The following TFAP2C variants were observed in gnomAD, a reference collection of about 807,000 sequenced individuals.
The protein encoded by TFAP2C is activating enhancer-binding protein 2 gamma.
Under a neutral mutation model 42.9 loss-of-function variants are expected in TFAP2C, and 9 were observed. The ratio of observed to expected loss-of-function variants is 0.21; its 90% CI spans 0.13 to 0.37. TFAP2C has a LOEUF of 0.37. Among genes scored for constraint, TFAP2C ranks in the 10% least tolerant of loss-of-function variants. TFAP2C has a pLI of 1.00. For missense variants in TFAP2C, 462 were observed against 591.7 expected (o/e 0.78, Z 2.27); for synonymous variants, 264 against 256.0 (o/e 1.03, Z -0.30).
In TFAP2C at chr20:56,631,078, G is replaced by A. The variant is rs748522556; in HGVS notation, c.49-127G>A. The stretch of plus-strand genomic sequence containing the variant: ...TGCCCCCGGGTACCTTCCGACCCTG[G>A]GCAAGCCCCGCCGGGCGGGGTGCGG... On this transcript the variant is annotated intron_variant, in intron 1 of 6. Transcript: ENST00000201031. This position sits in a 1 kb window ranked among gnomAD's most constrained non-coding sequence, Gnocchi z 6.1. The A allele has an allele frequency of 1.1e-4, 153 of 1,440,618 alleles. No individual in the cohort carries two copies. Among genetic ancestry groups the A allele is most frequent in the Non-Finnish European group, 1.3e-4 (148 of 1,105,192 alleles). The allele number at this position is 1,440,618 out of a possible 1,614,324, so 89.2% of individuals were successfully genotyped here.
Position 56,631,066 on chromosome 20 carries a change from C to T in TFAP2C, c.49-139C>T. The stretch of plus-strand genomic sequence containing the variant: ...CTCGGGGCGCATTGCCCCCGGGTAC[C>T]TTCCGACCCTGGGCAAGCCCCGCCG... On this transcript the variant is annotated intron_variant, in intron 1 of 6. Coordinates refer to ENST00000201031, the MANE Select transcript of TFAP2C (RefSeq NM_003222.4). The surrounding 1 kb of genome is among the most constrained non-coding windows in gnomAD (Gnocchi z 6.1). The T allele has an allele frequency of 7.0e-7, 1 of 1,435,216 alleles. No homozygotes were observed. The highest frequency in any genetic ancestry group is 1.6e-5 in the South Asian group (1 of 64,424). 88.9% of individuals were successfully genotyped at this position (1,435,216 alleles called of 1,614,324 possible). A position where few individuals can be genotyped will look rare whatever the true frequency, so the allele number is the denominator to read the frequency against.
intron 4 of TFAP2C, 29 bp downstream of exon 4, chr20:56,633,598 G>C: frequency 1.9e-6 from 3 of 1,584,332 alleles, no homozygotes; most frequent in Non-Finnish European, 2.6e-6. Flanking sequence ...TAGGCATAGT[G>C]GTTGGGTAGT....
At position 56,631,375 on chromosome 20, in the gene TFAP2C, C is replaced by T. The variant is rs754355262; in HGVS notation, c.219C>T (p.Ala73=). 3 of 1,611,318 alleles carry T rather than the reference C, an allele frequency of 1.9e-6. No homozygotes were observed. The highest frequency in any genetic ancestry group is 4.5e-5 in the East Asian group (2 of 44,708). Residue 73 remains alanine, a synonymous_variant, in exon 2 of 7, where the codon GCC becomes GCT. Transcript: ENST00000201031. The surrounding 1 kb of genome is among the most constrained non-coding windows in gnomAD (Gnocchi z 6.1). ...PYQQLAYSQS[A]DPYSHLGEAY... The stretch of plus-strand genomic sequence containing the variant: ...AGCAGCTGGCCTACTCCCAGTCGGC[C>T]GACCCCTACTCGCATCTGGGGGAAG...
chr20:56,630,297 C>G lies in TFAP2C; in HGVS notation c.48+705C>G. On this transcript the variant is annotated intron_variant, in intron 1 of 6. Transcript: ENST00000201031. The surrounding 1 kb of genome is among the most constrained non-coding windows in gnomAD (Gnocchi z 5.1). ...GGACTCGCGGGAGTTCACTGCGCCT[C>G]CGGGCCCTGGAGGGCTGCCCCTGCC... is the stretch of plus-strand genomic sequence containing the variant. The G allele has an allele frequency of 2.7e-6, 1 of 368,488 alleles. No homozygotes were observed. The highest frequency in any genetic ancestry group is 1.8e-5 in the South Asian group (1 of 54,760). The allele number at this position is 368,488 out of a possible 1,614,324, so 22.8% of individuals were successfully genotyped here.
Position 56,638,494 on chromosome 20 carries a change from T to TA in TFAP2C, c.*482dup, listed in dbSNP as rs200359056. 9.5e-3 allele frequency: 1,495 copies of TA among 157,942 alleles called. 31 individuals are homozygous for TA. The highest frequency in any genetic ancestry group is 0.031 in the African/African-American group (1,286 of 41,544). 9.8% of individuals were successfully genotyped at this position (157,942 alleles called of 1,614,324 possible). ...CTTGAAAAAAAGAAAAGTGTGTATC[T>TA]AGCTTCTTCAGAGATCAAGTCCTCT... is the stretch of plus-strand genomic sequence containing the variant. On this transcript the variant is annotated 3_prime_UTR_variant, in exon 7 of 7. Transcript: ENST00000201031.
At chr20:56,633,704 A>G (rs915589328) in intron 4 of TFAP2C, 135 bp downstream of exon 4, 9 of 697,318 alleles carry the variant, frequency 1.3e-5, no homozygotes, top group Non-Finnish European at 7.4e-6. Flanking sequence ...GTTTTAGTAC[A>G]TTTCTTCTCC....
At position 56,631,228 on chromosome 20, in the gene TFAP2C, T is replaced by C; in HGVS notation, c.72T>C (p.Asn24=). Residue 24 remains asparagine (N), a synonymous_variant, in exon 2 of 7, where the codon AAT becomes AAC. Coordinates refer to ENST00000201031, the MANE Select transcript of TFAP2C (RefSeq NM_003222.4). This position sits in a 1 kb window ranked among gnomAD's most constrained non-coding sequence, Gnocchi z 6.1. ...AGGATCGCCACGACGGGAGCAGCAA[T>C]GGGAATCCGCGGGTCCCCCACCTCT... ...DCEDRHDGSS[N]GNPRVPHLSS... is the part of the protein sequence containing the mutation. 6.4e-7 allele frequency: 1 copy of C among 1,553,868 alleles called. No individual in the cohort carries two copies. Among genetic ancestry groups the C allele is most frequent in the Non-Finnish European group, 8.7e-7 (1 of 1,151,450 alleles).
chr20:56,632,637 C>T (rs916158242), intron 3 of TFAP2C, among the ~76,000 whole-genome samples: 6 of 152,016 alleles, frequency 3.9e-5, no homozygotes, highest in Admixed American at 1.3e-4. Flanking sequence ...AAACTTAGAA[C>T]GTATTAGTTT....
rs1987469651 is a variant in TFAP2C, at chr20:56,630,628, C to T, written c.49-577C>T. The T allele has an allele frequency of 3.2e-6, 3 of 941,256 alleles. No homozygotes were observed. Among genetic ancestry groups the T allele is most frequent in the Non-Finnish European group, 3.8e-6 (3 of 789,664 alleles). The allele number at this position is 941,256 out of a possible 1,614,324, so 58.3% of individuals were successfully genotyped here. ...CGCGCTCCCTCTTCACTTCCCAGGG[C>T]GGCGCAGGGTGGCGGGCCCTGCTTT... is the stretch of plus-strand genomic sequence containing the variant. On this transcript the variant is annotated intron_variant, in intron 1 of 6. Coordinates refer to ENST00000201031, the MANE Select transcript of TFAP2C (RefSeq NM_003222.4). This position sits in a 1 kb window ranked among gnomAD's most constrained non-coding sequence, Gnocchi z 5.1.
chr20:56,634,315 T>C, intron 5 of TFAP2C, 47 bp downstream of exon 5: 2 of 1,380,058 alleles, frequency 1.4e-6, no homozygotes, highest in Non-Finnish European at 2.1e-6. Context: ...AATTTGTGCC[T>C]GTGTCTTTAA....
chr20:56,631,088 G>A lies in TFAP2C; in HGVS notation c.49-117G>A, dbSNP rs34060732. The stretch of plus-strand genomic sequence containing the variant: ...TACCTTCCGACCCTGGGCAAGCCCC[G>A]CCGGGCGGGGTGCGGTTGGTCCCCC... On this transcript the variant is annotated intron_variant, in intron 1 of 6. Coordinates refer to ENST00000201031, the MANE Select transcript of TFAP2C (RefSeq NM_003222.4). The surrounding 1 kb of genome is among the most constrained non-coding windows in gnomAD (Gnocchi z 6.1). The A allele has an allele frequency of 0.15, 213,321 of 1,436,150 alleles. 17,498 individuals are homozygous for A. The highest frequency in any genetic ancestry group is 0.17 in the Middle Eastern group (653 of 3,792). The allele number at this position is 1,436,150 out of a possible 1,614,324, so 89.0% of individuals were successfully genotyped here. A position where few individuals can be genotyped will look rare whatever the true frequency, so the allele number is the denominator to read the frequency against.
In TFAP2C at chr20:56,630,697, A is replaced by AGG; in HGVS notation, c.49-506_49-505dup. The AGG allele has an allele frequency of 1.0e-6, 1 of 985,154 alleles. No homozygotes were observed. Among genetic ancestry groups the AGG allele is most frequent in the Non-Finnish European group, 1.2e-6 (1 of 829,790 alleles). 61.0% of individuals were successfully genotyped at this position (985,154 alleles called of 1,614,324 possible). A position where few individuals can be genotyped will look rare whatever the true frequency, so the allele number is the denominator to read the frequency against. On this transcript the variant is annotated intron_variant, in intron 1 of 6. Transcript: ENST00000201031. This position sits in a 1 kb window ranked among gnomAD's most constrained non-coding sequence, Gnocchi z 5.1. The stretch of plus-strand genomic sequence containing the variant: ...GAGGTCTTTGTCCCGAGGGCGTGGA[A>AGG]GGGAGGGTCCCGGGGGCGGGGGAGG...
At position 56,629,690 on chromosome 20, in the gene TFAP2C, T is replaced by C; in HGVS notation, c.48+98T>C. 1 of 967,118 alleles carries C rather than the reference T, an allele frequency of 1.0e-6. No individual in the cohort carries two copies. Among genetic ancestry groups the C allele is most frequent in the Non-Finnish European group, 1.4e-6 (1 of 717,330 alleles). The allele number at this position is 967,118 out of a possible 1,614,324, so 59.9% of individuals were successfully genotyped here. A position where few individuals can be genotyped will look rare whatever the true frequency, so the allele number is the denominator to read the frequency against. On this transcript the variant is annotated intron_variant, in intron 1 of 6. Transcript: ENST00000201031. The surrounding 1 kb of genome is among the most constrained non-coding windows in gnomAD (Gnocchi z 5.9). ...GTCGGGGACGAGGGCATAGGAGCCC[T>C]GGCCTCTCGGTGGGACGGGATCCAC... is the stretch of plus-strand genomic sequence containing the variant.
At position 56,637,963 on chromosome 20, in the gene TFAP2C, C is replaced by A. The variant is rs1394381709; in HGVS notation, c.1303C>A (p.Pro435Thr). The change falls in exon 7 of 7, where the codon CCA becomes ACA. Residue 435 changes from proline (P) to threonine (T), a missense_variant. Coordinates refer to ENST00000201031, the MANE Select transcript of TFAP2C (RefSeq NM_003222.4). ...KSYMNPGDQSPADSNKTLEKM... is the reference protein window; with the variant it reads ...KSYMNPGDQSTADSNKTLEKM... ...CTACATGAACCCTGGAGACCAGAGT[C>A]CAGCTGATTCTAACAAAACCCTGGA... 2 of 1,614,084 alleles carry A rather than the reference C, an allele frequency of 1.2e-6. No homozygotes were observed. Among genetic ancestry groups the A allele is most frequent in the East Asian group, 2.2e-5 (1 of 44,886 alleles).
chr20:56,634,801 G>C (rs1343291513), intron 5 of TFAP2C, among the ~76,000 whole-genome samples: 4 of 152,090 alleles, frequency 2.6e-5, no homozygotes, highest in Non-Finnish European at 4.4e-5. Flanking sequence ...TCGAACCCCT[G>C]GCCCACGCAC....
At chr20:56,634,927 A>G (rs559242835) in intron 5 of TFAP2C, among the ~76,000 whole-genome samples, 1 of 152,354 alleles carries the variant, frequency 6.6e-6, no homozygotes, top group African/African-American at 2.4e-5. Flanking sequence ...CTTTAAAAGG[A>G]GCTGAAGGGA....
Position 56,634,231 on chromosome 20 carries a change from A to G in TFAP2C, c.885A>G (p.Lys295=), listed in dbSNP as rs148118000. ...TGAATCTTCCGGCCGGGAGGCGGAA[A>G]GCCGCTCATGTGACTCTCCTGACAT... is the stretch of plus-strand genomic sequence containing the variant. ...IGLNLPAGRR[K]AAHVTLLTSL... is the part of the protein sequence containing the mutation. The change falls in exon 5 of 7, where the codon AAA becomes AAG. Residue 295 remains lysine, a synonymous_variant. Coordinates refer to ENST00000201031, the MANE Select transcript of TFAP2C (RefSeq NM_003222.4). 1.2e-6 allele frequency: 2 copies of G among 1,614,198 alleles called. No individual in the cohort carries two copies. Among genetic ancestry groups the G allele is most frequent in the Non-Finnish European group, 1.7e-6 (2 of 1,180,008 alleles).
chr20:56,639,237 T>G lies in TFAP2C; in HGVS notation c.*1224T>G, dbSNP rs1987642550. Reference sequence around the variant, plus strand: ...GTAAATGTTCCCCAAATAATTGTTGTGTGTATGATACGTGTATAATAAAAG... The same window carrying G: ...GTAAATGTTCCCCAAATAATTGTTGGGTGTATGATACGTGTATAATAAAAG... On this transcript the variant is annotated 3_prime_UTR_variant, in exon 7 of 7. Transcript: ENST00000201031. 1 of 152,422 alleles carries G rather than the reference T, an allele frequency of 6.6e-6. No individual in the cohort carries two copies. Among genetic ancestry groups the G allele is most frequent in the Admixed American group, 6.5e-5 (1 of 15,278 alleles). The allele number at this position is 152,422 out of a possible 1,614,324, so 9.4% of individuals were successfully genotyped here. A position where few individuals can be genotyped will look rare whatever the true frequency, so the allele number is the denominator to read the frequency against.
intron 3 of TFAP2C, among the ~76,000 whole-genome samples, chr20:56,633,021 T>A (rs968934363): frequency 6.6e-5 from 10 of 152,058 alleles, no homozygotes; most frequent in African/African-American, 2.4e-4. Context: ...GTCAGGAGTT[T>A]GAGACCAGCC....
Sources: gnomAD v4.1 joint callset for allele counts (sites outside exome capture counted in the v4.1 genomes callset) on GRCh38, gnomAD v4.1.1 for gene constraint, Gnocchi (gnomAD v3.1) non-coding constraint, MANE v1.5 for transcripts, NCBI Gene and HGNC (gene_info 2026-07-23, HGNC 2026-07-21) for gene names.